The following FRMD6 variants were observed in gnomAD, a reference collection of about 807,000 sequenced individuals.
The protein encoded by FRMD6 is FERM domain-containing protein 6.
Under a neutral mutation model 73.2 loss-of-function variants are expected in FRMD6, and 37 were observed. The ratio of observed to expected loss-of-function variants is 0.51; its 90% CI spans 0.39 to 0.66. The LOEUF (loss-of-function observed/expected upper bound fraction) is 0.66. Ranked by LOEUF, FRMD6 falls within the 30% of genes least tolerant of loss-of-function variation. The pLI is 0.00. For missense variants in FRMD6, 714 were observed against 780.5 expected (o/e 0.91, Z 1.02); for synonymous variants, 273 against 282.2 (o/e 0.97, Z 0.33).
In FRMD6 at chr14:51,720,191, C is replaced by T; in HGVS notation, c.1161C>T (p.Ala387=). ...KHKRLSRHST[A]SHSSSHTSGI... ...AGCGCCTGTCCCGTCATTCCACCGC[C>T]AGCCACAGCAGTTCCCACACCTCGG... The change falls in exon 11 of 14, where the codon GCC becomes GCT. Residue 387 remains alanine, a synonymous_variant. Coordinates refer to ENST00000344768, the MANE Select transcript of FRMD6 (RefSeq NM_001267046.2). 1 of 1,614,096 alleles carries T rather than the reference C, an allele frequency of 6.2e-7. No individual in the cohort carries two copies. The highest frequency in any genetic ancestry group is 2.2e-5 in the East Asian group (1 of 44,878).
the FRMD6 span, among the ~76,000 whole-genome samples, chr14:51,474,014 C>A: frequency 1.3e-5 from 2 of 152,212 alleles, no homozygotes; most frequent in African/African-American, 4.8e-5. Flanking sequence ...AAAAACCCTA[C>A]GAAATCTATT....
chr14:51,601,263 A>C (rs1317667321), intron 2 of FRMD6, among the ~76,000 whole-genome samples: 2 of 152,200 alleles, frequency 1.3e-5, no homozygotes, highest in Non-Finnish European at 2.9e-5. Context: ...CCCTGGGTCA[A>C]AGCTTGTTTT....
At chr14:51,700,072 G>A (rs1359338336) in intron 3 of FRMD6, among the ~76,000 whole-genome samples, 1 of 151,850 alleles carries the variant, frequency 6.6e-6, no homozygotes, top group Admixed American at 6.6e-5. Flanking sequence ...CCAGTATTCA[G>A]CTTGGAGTCA....
At chr14:51,697,459 C>CA (rs1566574214) in intron 2 of FRMD6, among the ~76,000 whole-genome samples, 1 of 151,974 alleles carries the variant, frequency 6.6e-6, no homozygotes, top group Non-Finnish European at 1.5e-5. Flanking sequence ...CTCAGGGAAG[C>CA]AGAGAATAGA....
chr14:51,564,593 T>G (rs558463414), intron 1 of FRMD6, among the ~76,000 whole-genome samples: 101 of 152,258 alleles, frequency 6.6e-4, no homozygotes, highest in Non-Finnish European at 1.1e-3. Context: ...CAGCTCAGAA[T>G]AATAGGTGGT....
chr14:51,397,721 G>A, the FRMD6 span, among the ~76,000 whole-genome samples: 2 of 152,130 alleles, frequency 1.3e-5, no homozygotes, highest in African/African-American at 4.8e-5. Context: ...CGCGCCACAT[G>A]TAGAAAATTC....
At chr14:51,698,408 A>T (rs6572785) in intron 3 of FRMD6, among the ~76,000 whole-genome samples, 176 bp downstream of exon 3, 1 of 151,846 alleles carries the variant, frequency 6.6e-6, no homozygotes, top group Non-Finnish European at 1.5e-5. Context: ...CTCAATTTCT[A>T]TGTATTTTTT....
the FRMD6 span, among the ~76,000 whole-genome samples, chr14:51,434,731 T>A: frequency 3.3e-5 from 5 of 152,150 alleles, no homozygotes; most frequent in African/African-American, 1.2e-4. Context: ...TAGTCTTAAA[T>A]TTTCTCCTAA....
At position 51,729,207 on chromosome 14, in the gene FRMD6, C is replaced by T. The variant is rs552595406; in HGVS notation, c.*1178C>T. 1.3e-5 allele frequency: 2 copies of T among 152,306 alleles called. No individual in the cohort carries two copies. Among genetic ancestry groups the T allele is most frequent in the Middle Eastern group, 3.4e-3 (1 of 294 alleles). The allele number at this position is 152,306 out of a possible 1,614,324, so 9.4% of individuals were successfully genotyped here. ...GAGTCTCCCACCAGACCGATTACAT[C>T]ATTCTCTTGTGGCGGGACCCAAGTA... On this transcript the variant is annotated 3_prime_UTR_variant, in exon 14 of 14. Coordinates refer to ENST00000344768, the MANE Select transcript of FRMD6 (RefSeq NM_001267046.2).
intron 1 of FRMD6, among the ~76,000 whole-genome samples, chr14:51,534,406 G>T (rs1566798293): frequency 2.6e-5 from 4 of 152,188 alleles, no homozygotes; most frequent in Non-Finnish European, 5.9e-5. Flanking sequence ...TATGATGGTT[G>T]ATTTTTTTAT....
chr14:51,714,316 T>G (rs565724435), intron 9 of FRMD6: 2 of 136,112 alleles, frequency 1.5e-5, no homozygotes, highest in East Asian at 4.5e-4. Context: ...TCTCAGAGAT[T>G]TAAAAAAAAA....
chr14:51,434,909 G>A, the FRMD6 span, among the ~76,000 whole-genome samples: 1 of 152,112 alleles, frequency 6.6e-6, no homozygotes, highest in Non-Finnish European at 1.5e-5. Context: ...GTATAATCAT[G>A]AGAAATTATC....
chr14:51,500,482 G>A (rs574932436), intron 1 of FRMD6, among the ~76,000 whole-genome samples: 13 of 152,034 alleles, frequency 8.6e-5, no homozygotes, highest in Admixed American at 6.5e-4. Flanking sequence ...AGCCAAGATC[G>A]TGCTCCAGCC....
At chr14:51,564,096 A>G (rs746427994) in intron 1 of FRMD6, among the ~76,000 whole-genome samples, 32 of 152,090 alleles carry the variant, frequency 2.1e-4, no homozygotes, top group Non-Finnish European at 4.3e-4. Context: ...CTTGTTCAAT[A>G]TTACTTCACA....
At chr14:51,666,691 G>C (rs566682267) in intron 1 of FRMD6, among the ~76,000 whole-genome samples, 1 of 152,214 alleles carries the variant, frequency 6.6e-6, no homozygotes, top group African/African-American at 2.4e-5. Flanking sequence ...TAGTTAAAAA[G>C]TTTTTTCCCT....
At chr14:51,591,765 A>T (rs1889412125) in intron 2 of FRMD6, among the ~76,000 whole-genome samples, 1 of 151,972 alleles carries the variant, frequency 6.6e-6, no homozygotes, top group Non-Finnish European at 1.5e-5. Flanking sequence ...CTGGTCTCAA[A>T]CTCCTGACTT....
chr14:51,686,631 A>C (rs1895172347), intron 1 of FRMD6, among the ~76,000 whole-genome samples: 1 of 151,728 alleles, frequency 6.6e-6, no homozygotes, highest in Non-Finnish European at 1.5e-5. Flanking sequence ...TGTTCCCTGG[A>C]AAATATGTTA....
intron 1 of FRMD6, among the ~76,000 whole-genome samples, chr14:51,682,305 T>C (rs1199098939): frequency 6.6e-6 from 1 of 152,160 alleles, no homozygotes; most frequent in African/African-American, 2.4e-5. Context: ...TTATGGTGAA[T>C]AGTGACTATT....
chr14:51,491,426 A>C (rs1399585273), intron 1 of FRMD6: 2 of 152,162 alleles, frequency 1.3e-5, no homozygotes, highest in African/African-American at 4.8e-5. Context: ...CACATCTCCT[A>C]GTTCTGGTGA....
Sources: allele counts gnomAD v4.1 joint callset (sites outside exome capture counted in the v4.1 genomes callset), GRCh38; gene constraint gnomAD v4.1.1; transcripts MANE v1.5; gene names NCBI Gene and HGNC (gene_info 2026-07-23, HGNC 2026-07-21).